The following FNDC7 variants were observed in gnomAD, a reference collection of about 807,000 sequenced individuals.
The protein encoded by FNDC7 is fibronectin type III domain-containing protein 7.
FNDC7 carries 66 observed loss-of-function variants against 74.2 expected under a neutral mutation model. That is an observed-to-expected ratio of 0.89 (90% CI 0.73 to 1.09). FNDC7 has a LOEUF of 1.09. Ranked by LOEUF, FNDC7 falls within the 50% of genes least tolerant of loss-of-function variation. FNDC7 has a pLI of 0.00. For missense variants in FNDC7, 829 were observed against 893.4 expected (o/e 0.93, Z 0.92); for synonymous variants, 307 against 330.2 (o/e 0.93, Z 0.76).
intron 2 of FNDC7, among the ~76,000 whole-genome samples, chr1:108,714,970 C>T (rs1660944209): frequency 1.3e-5 from 2 of 152,132 alleles, no homozygotes; most frequent in African/African-American, 2.4e-5. Flanking sequence ...ACACCCAGGA[C>T]AGACCAAGCC....
Position 108,731,076 on chromosome 1 carries a change from C to T in FNDC7, c.1879+148C>T, listed in dbSNP as rs868192452. 146 of 987,030 alleles carry T rather than the reference C, an allele frequency of 1.5e-4. No homozygotes were observed. In the African/African-American group the frequency reaches 2.0e-3, roughly 14 times the overall value. 61.1% of individuals were successfully genotyped at this position (987,030 alleles called of 1,614,324 possible). ...TTACTTTCTAAAATGGTTATAGTTT[C>T]CCTTTGACTTAGAACCTCAAAGCTT... On this transcript the variant is annotated intron_variant, in intron 9 of 12. Transcript: ENST00000370017.
At chr1:108,722,695 T>C in intron 5 of FNDC7, 103 bp downstream of exon 5, 3 of 1,283,940 alleles carry the variant, frequency 2.3e-6, no homozygotes, top group Non-Finnish European at 3.1e-6. Context: ...AAAATGAAAA[T>C]GAAAGCCTGG....
At chr1:108,738,282 G>A (rs1201183160) in intron 11 of FNDC7, among the ~76,000 whole-genome samples, 1 of 152,170 alleles carries the variant, frequency 6.6e-6, no homozygotes, top group East Asian at 1.9e-4. Flanking sequence ...GGAATAAAGA[G>A]AACCCTCACT....
chr1:108,723,408 T>G (rs1219364866), intron 5 of FNDC7, among the ~76,000 whole-genome samples: 1 of 152,098 alleles, frequency 6.6e-6, no homozygotes, highest in Non-Finnish European at 1.5e-5. Flanking sequence ...TATCTAACAG[T>G]CAGTTATGTC....
chr1:108,740,381 G>A (rs2101093389), intron 11 of FNDC7, among the ~76,000 whole-genome samples: 1 of 131,230 alleles, frequency 7.6e-6, no homozygotes, highest in Admixed American at 9.0e-5. Flanking sequence ...AGGCTGGAGT[G>A]CAGTGGTGCA....
Position 108,728,679 on chromosome 1 carries a change from A to C in FNDC7, c.1417A>C (p.Met473Leu). The C allele has an allele frequency of 6.2e-7, 1 of 1,614,250 alleles. No individual in the cohort carries two copies. Among genetic ancestry groups the C allele is most frequent in the Non-Finnish European group, 8.5e-7 (1 of 1,180,042 alleles). The change falls in exon 8 of 13, where the codon ATG becomes CTG. Residue 473 changes from methionine (M) to leucine (L), a missense_variant. By Grantham distance (15) the Met-to-Leu change is conservative (BLOSUM62 2). Transcript: ENST00000370017. The stretch of plus-strand genomic sequence containing the variant: ...AAATGTTTCAAGGGATGCATTCTCC[A>C]TGATTAATGTGCACTGGCGATCCAC... ...IKNVSRDAFSMINVHWRSTND... is the reference protein window; with the variant it reads ...IKNVSRDAFSLINVHWRSTND...
intron 2 of FNDC7, among the ~76,000 whole-genome samples, chr1:108,714,723 G>T (rs1170503194): frequency 6.9e-6 from 1 of 145,770 alleles, no homozygotes; most frequent in African/African-American, 2.5e-5. Flanking sequence ...TCCTGCCTCA[G>T]CCTCTCCGAG....
rs145822439 is a variant in FNDC7 at position 108,713,506 on chromosome 1, T to C, written c.64-5T>C. 3.9e-6 allele frequency: 6 copies of C among 1,549,678 alleles called. No homozygotes were observed. The highest frequency in any genetic ancestry group is 2.7e-5 in the African/African-American group (2 of 73,088). On this transcript the variant is annotated splice_region_variant and splice_polypyrimidine_tract_variant and intron_variant, in intron 1 of 12. Transcript: ENST00000370017. ...GGTTCTAATTTTCCAAACTTTCCTT[T>C]TCAGGTTGCTTCAGCAAAATCAGGT...
intron 11 of FNDC7, among the ~76,000 whole-genome samples, chr1:108,740,749 A>C (rs1355255160): frequency 6.6e-6 from 1 of 152,186 alleles, no homozygotes; most frequent in East Asian, 1.9e-4. Flanking sequence ...GTAAATAATA[A>C]TCCCTCATAA....
At chr1:108,733,172 A>G (rs1448298135) in intron 9 of FNDC7, 100 bp from the exon 10 acceptor site, 1 of 1,402,208 alleles carries the variant, frequency 7.1e-7, no homozygotes, top group African/African-American at 1.4e-5. Context: ...TGTTACTTAG[A>G]CTAGTTTGCT....
At chr1:108,719,124 A>C (rs1034409503) in intron 4 of FNDC7, 75 bp downstream of exon 4, 9 of 1,499,164 alleles carry the variant, frequency 6.0e-6, no homozygotes, top group Admixed American at 2.0e-5. Context: ...GCAGCCATCA[A>C]GGGCAGTGTT....
chr1:108,720,922 A>G (rs772104885), intron 4 of FNDC7, among the ~76,000 whole-genome samples: 1 of 152,218 alleles, frequency 6.6e-6, no homozygotes, highest in Non-Finnish European at 1.5e-5. Flanking sequence ...AGGGAACTCA[A>G]GTCAACTCAT....
Position 108,741,814 on chromosome 1 carries a change from C to T in FNDC7, c.*10C>T. On this transcript the variant is annotated 3_prime_UTR_variant, in exon 12 of 13. Transcript: ENST00000370017. ...GAGAAATGAAGAATGACAAAGTGAG[C>T]CCCAGATAAAAACAAAAACTTGACC... The T allele has an allele frequency of 6.2e-7, 1 of 1,613,370 alleles. No homozygotes were observed. Among genetic ancestry groups the T allele is most frequent in the Non-Finnish European group, 8.5e-7 (1 of 1,179,740 alleles).
chr1:108,717,074 G>C (rs928342762), intron 2 of FNDC7, among the ~76,000 whole-genome samples: 1 of 152,138 alleles, frequency 6.6e-6, no homozygotes, highest in Non-Finnish European at 1.5e-5. Flanking sequence ...CCATAGCCCG[G>C]CCCATCACAT....
chr1:108,732,700 CTCTT>C (rs751083534), intron 9 of FNDC7, among the ~76,000 whole-genome samples: 210 of 152,022 alleles, frequency 1.4e-3, no homozygotes, highest in Non-Finnish European at 2.4e-3. Context: ...CTCTCTCTCT[CTCTT>C]TCTTTCTTTC....
At chr1:108,740,253 T>C (rs1661609187) in intron 11 of FNDC7, among the ~76,000 whole-genome samples, 1 of 151,108 alleles carries the variant, frequency 6.6e-6, no homozygotes, top group African/African-American at 2.4e-5. Flanking sequence ...GCCATGGGAA[T>C]CTTGCTGGTC....
intron 11 of FNDC7, among the ~76,000 whole-genome samples, chr1:108,737,885 T>C (rs1661552243): frequency 6.6e-6 from 1 of 152,248 alleles, no homozygotes; most frequent in Admixed American, 6.5e-5. Context: ...TGTCTGGTTC[T>C]GTCCCCAGAA....
chr1:108,719,941 C>T (rs1024766323), intron 4 of FNDC7, among the ~76,000 whole-genome samples: 3 of 152,094 alleles, frequency 2.0e-5, no homozygotes, highest in Non-Finnish European at 2.9e-5. Context: ...TCCAACTTTC[C>T]CTAAGTTTGG....
intron 10 of FNDC7, 35 bp from the exon 11 acceptor site, chr1:108,737,460 A>G: frequency 6.5e-7 from 1 of 1,527,230 alleles, no homozygotes; most frequent in South Asian, 1.2e-5. Flanking sequence ...ATAAATGAAT[A>G]GATTTTATTT....
Sources: gnomAD v4.1 joint callset for allele counts (sites outside exome capture counted in the v4.1 genomes callset) on GRCh38, gnomAD v4.1.1 for gene constraint, MANE v1.5 for transcripts, NCBI Gene and HGNC (gene_info 2026-07-23, HGNC 2026-07-21) for gene names.